Variants in ZNF385D observed in about 807,000 individuals in gnomAD.
The protein encoded by ZNF385D is zinc finger protein 659.
ZNF385D carries 15 observed loss-of-function variants against 35.8 expected under a neutral mutation model. The ratio of observed to expected loss-of-function variants is 0.42; its 90% confidence interval spans 0.28 to 0.64. The LOEUF is 0.64. Ranked by LOEUF, ZNF385D falls within the 30% of genes least tolerant of loss-of-function variation. The pLI is 0.23. For missense variants in ZNF385D, 474 were observed against 494.6 expected (o/e 0.96, Z 0.39); for synonymous variants, 212 against 186.8 (o/e 1.13, Z -1.10).
At chr3:22,306,279 A>G (rs1703210941) in intron 2 of ZNF385D, among the ~76,000 whole-genome samples, 1 of 152,100 alleles carries the variant, frequency 6.6e-6, no homozygotes, top group South Asian at 2.1e-4. Flanking sequence ...GAAGCTTCTC[A>G]GACTCTTGTC....
chr3:21,854,657 T>A (rs1011868549), intron 3 of ZNF385D, among the ~76,000 whole-genome samples: 3 of 151,980 alleles, frequency 2.0e-5, no homozygotes, highest in African/African-American at 7.2e-5. Context: ...GGATTTATTA[T>A]TTCTTATCTG....
chr3:21,458,353 G>T (rs1702954654), intron 4 of ZNF385D, among the ~76,000 whole-genome samples: 1 of 151,028 alleles, frequency 6.6e-6, no homozygotes, highest in Admixed American at 6.6e-5. Flanking sequence ...TATATGGCAT[G>T]AACCAGTAGT....
At chr3:22,012,895 A>G (rs1235308947) in intron 3 of ZNF385D, among the ~76,000 whole-genome samples, 1 of 152,200 alleles carries the variant, frequency 6.6e-6, no homozygotes, top group Non-Finnish European at 1.5e-5. Flanking sequence ...TTAAGTAATC[A>G]TAGGCTCCAG....
At chr3:21,939,816 A>G (rs1317780363) in intron 3 of ZNF385D, among the ~76,000 whole-genome samples, 1 of 152,228 alleles carries the variant, frequency 6.6e-6, no homozygotes, top group Non-Finnish European at 1.5e-5. Context: ...CTTTTCTATC[A>G]TTGGAAGGGA....
chr3:22,019,668 C>T (rs1329475960), intron 3 of ZNF385D, among the ~76,000 whole-genome samples: 1 of 151,936 alleles, frequency 6.6e-6, no homozygotes, highest in Non-Finnish European at 1.5e-5. Context: ...TACCAGGATT[C>T]CAAATATCCC....
chr3:22,287,971 T>C (rs910791617), intron 2 of ZNF385D, among the ~76,000 whole-genome samples: 1 of 152,104 alleles, frequency 6.6e-6, no homozygotes, highest in African/African-American at 2.4e-5. Context: ...CTTTTGTTTG[T>C]CTGAGAAAGT....
chr3:21,618,901 A>T (rs1235517416), intron 2 of ZNF385D, among the ~76,000 whole-genome samples: 1 of 152,130 alleles, frequency 6.6e-6, no homozygotes, highest in East Asian at 1.9e-4. Context: ...TCACTACAGT[A>T]ATGGGTGTTT....
At chr3:21,574,510 G>A (rs1167474702) in intron 2 of ZNF385D, among the ~76,000 whole-genome samples, 2 of 152,238 alleles carry the variant, frequency 1.3e-5, no homozygotes, top group Admixed American at 6.5e-5. Context: ...TTGAAGGAAA[G>A]TAATACTGGA....
chr3:22,297,478 G>A, intron 2 of ZNF385D, among the ~76,000 whole-genome samples: 1 of 152,090 alleles, frequency 6.6e-6, no homozygotes, highest in Non-Finnish European at 1.5e-5. Context: ...CAAGCCCCTT[G>A]AGCGGCAAAC....
In ZNF385D at chr3:22,062,108, C is replaced by T. The variant is rs183362735; in HGVS notation, c.325+106709G>A. 4.6e-5 allele frequency among the ~76,000 whole-genome samples: 7 copies of T among 152,192 alleles called. No homozygotes were observed. In the East Asian group the frequency reaches 1.4e-3, roughly 30 times the overall value. On this transcript the variant is annotated intron_variant, in intron 3 of 5. Coordinates refer to the ZNF385D transcript ENST00000494108. ...GCTGGAGTGCAGTGGCATAATCATG[C>T]CTCCCTGCAGCCTCGACCTCCTAAG...
chr3:21,687,342 G>C (rs989475067), intron 1 of ZNF385D, among the ~76,000 whole-genome samples: 1 of 152,146 alleles, frequency 6.6e-6, no homozygotes, highest in Non-Finnish European at 1.5e-5. Context: ...GTTGCTTTTG[G>C]AGTTCGTTTG....
chr3:22,136,412 T>C (rs559838798), intron 3 of ZNF385D, among the ~76,000 whole-genome samples: 2 of 151,726 alleles, frequency 1.3e-5, no homozygotes, highest in South Asian at 4.2e-4. Flanking sequence ...ATCAACAATC[T>C]ACATATCATC....
intron 4 of ZNF385D, among the ~76,000 whole-genome samples, chr3:21,474,073 A>T (rs930372240): frequency 6.6e-6 from 1 of 152,082 alleles, no homozygotes; most frequent in Non-Finnish European, 1.5e-5. Flanking sequence ...TGAGGCACTT[A>T]CTGAGCACTG....
chr3:22,082,929 C>G (rs1481901213), intron 3 of ZNF385D, among the ~76,000 whole-genome samples: 1 of 152,170 alleles, frequency 6.6e-6, no homozygotes, highest in African/African-American at 2.4e-5. Flanking sequence ...GATACCCAGG[C>G]AAACAGGGTC....
chr3:22,280,476 C>A (rs1575025538), intron 2 of ZNF385D, among the ~76,000 whole-genome samples: 1 of 151,478 alleles, frequency 6.6e-6, no homozygotes, highest in Non-Finnish European at 1.5e-5. Flanking sequence ...CAGTTTCATT[C>A]TTCTACATGT....
chr3:21,808,512 G>C (rs1365324819), intron 3 of ZNF385D, among the ~76,000 whole-genome samples: 3 of 152,186 alleles, frequency 2.0e-5, no homozygotes, highest in African/African-American at 7.2e-5. Context: ...CCATTGCAGA[G>C]ACTGGGAAGA....
At chr3:22,221,657 A>G (rs1320861013) in intron 2 of ZNF385D, among the ~76,000 whole-genome samples, 1 of 152,174 alleles carries the variant, frequency 6.6e-6, no homozygotes, top group East Asian at 1.9e-4. Flanking sequence ...TTTAATAAAA[A>G]AGACAACTCA....
At chr3:22,082,737 C>G (rs1001826312) in intron 3 of ZNF385D, among the ~76,000 whole-genome samples, 5 of 152,228 alleles carry the variant, frequency 3.3e-5, no homozygotes, top group Admixed American at 1.3e-4. Context: ...GGAGAACAAA[C>G]AGACTGCCTC....
chr3:22,017,508 A>T (rs1696965739), intron 3 of ZNF385D, among the ~76,000 whole-genome samples: 1 of 151,938 alleles, frequency 6.6e-6, no homozygotes, highest in African/African-American at 2.4e-5. Flanking sequence ...TAACTAGAAA[A>T]TTAGCTTTTA....
Sources: gnomAD v4.1 joint callset for allele counts (sites outside exome capture counted in the v4.1 genomes callset) on GRCh38, gnomAD v4.1.1 for gene constraint, MANE v1.5 for transcripts, NCBI Gene and HGNC (gene_info 2026-07-23, HGNC 2026-07-21) for gene names.